The following SNX30 variants were observed in gnomAD, a reference collection of about 807,000 sequenced individuals.
The protein encoded by SNX30 is sorting nexin family member 30.
A neutral mutation model predicts 46.4 loss-of-function variants in SNX30; 24 were observed. The observed-to-expected ratio is 0.52, with a 90% CI of 0.37 to 0.73. The LOEUF (loss-of-function observed/expected upper bound fraction) is 0.73. SNX30 is among the 30% of genes least tolerant of loss of function. The pLI is 0.00. For missense variants in SNX30, 533 were observed against 555.7 expected (o/e 0.96, Z 0.41); for synonymous variants, 189 against 211.5 (o/e 0.89, Z 0.92).
chr9:112,862,919 CT>C (rs1342513185), intron 7 of SNX30, among the ~76,000 whole-genome samples: 1 of 152,048 alleles, frequency 6.6e-6, no homozygotes, highest in Non-Finnish European at 1.5e-5. Flanking sequence ...CTTTCCCCAT[CT>C]TAACAGAAAA....
At chr9:112,756,798 G>A (rs1242234630) in intron 1 of SNX30, among the ~76,000 whole-genome samples, 1 of 152,030 alleles carries the variant, frequency 6.6e-6, no homozygotes, top group Admixed American at 6.6e-5. Context: ...TCTCTCCCAC[G>A]GCCGCACCCT....
chr9:112,865,525 G>A (rs1315256319), intron 8 of SNX30, among the ~76,000 whole-genome samples: 1 of 151,066 alleles, frequency 6.6e-6, no homozygotes, highest in African/African-American at 2.4e-5. Flanking sequence ...GGCTGTGGCA[G>A]GAGGATGGCT....
chr9:112,838,455 T>A (rs1487823166), intron 5 of SNX30, 43 bp from the exon 6 acceptor site: 2 of 1,552,524 alleles, frequency 1.3e-6, no homozygotes. Flanking sequence ...TAGCAGCAAC[T>A]GCTACCCAGC....
rs139781990 is a variant in SNX30 at position 112,822,536 on chromosome 9, G to GTTTTTTTTTTTTTTTTTTTTT, written c.459+4725_459+4726insTTTTTTTTTTTTTTTTTTTTT. Among the ~76,000 whole-genome samples, 2 of 123,724 alleles carry GTTTTTTTTTTTTTTTTTTTTT rather than the reference G, an allele frequency of 1.6e-5. 1 individual carries two copies. 81.2% of individuals were successfully genotyped at this position (123,724 alleles called of 152,430 possible). A position where few individuals can be genotyped will look rare whatever the true frequency, so the allele number is the denominator to read the frequency against. On this transcript the variant is annotated intron_variant, in intron 3 of 8. Coordinates refer to ENST00000374232, the MANE Select transcript of SNX30 (RefSeq NM_001012994.2). ...TTTTCTTTTGTCCCTTTGCTGTTTT[G>GTTTTTTTTTTTTTTTTTTTTT]TTTTGTTTTTTTTTTTTGTAAGAAC...
At chr9:112,862,478 C>T (rs1034022571) in intron 7 of SNX30, among the ~76,000 whole-genome samples, 6 of 152,090 alleles carry the variant, frequency 3.9e-5, no homozygotes, top group Non-Finnish European at 7.3e-5. Context: ...GAGGCTGATT[C>T]CTGGAGTGAC....
chr9:112,846,785 A>T (rs565333143), intron 6 of SNX30, among the ~76,000 whole-genome samples: 4 of 151,978 alleles, frequency 2.6e-5, no homozygotes, highest in Admixed American at 6.6e-5. Context: ...CCCCTCTTCC[A>T]CAAAGCTTTG....
At chr9:112,755,574 A>G (rs537091069) in intron 1 of SNX30, among the ~76,000 whole-genome samples, 10 of 152,078 alleles carry the variant, frequency 6.6e-5, no homozygotes, top group African/African-American at 2.4e-4. Flanking sequence ...AAAGGATCAC[A>G]TAGGCTGTTC....
chr9:112,768,706 G>C (rs34022327), intron 1 of SNX30, among the ~76,000 whole-genome samples: 2 of 130,096 alleles, frequency 1.5e-5, no homozygotes, highest in Non-Finnish European at 3.1e-5. Context: ...GCTTAGGCTA[G>C]AGTGCAATGG....
rs567913929 is a variant in SNX30 at position 112,838,655 on chromosome 9, A to G, written c.972A>G (p.Leu324=). The change falls in exon 6 of 9, where the codon CTA becomes CTG. Residue 324 remains leucine, a synonymous_variant. Coordinates refer to ENST00000374232, the MANE Select transcript of SNX30 (RefSeq NM_001012994.2). ...CAGATGACATGACAGAAGACTTCCT[A>G]CCTGTGCTCAGGGAATATATTTTAT... is the stretch of plus-strand genomic sequence containing the variant. The part of the protein sequence containing the change: ...ELTDDMTEDF[L]PVLREYILYS... The G allele has an allele frequency of 1.5e-5, 25 of 1,614,058 alleles. No individual in the cohort carries two copies. The South Asian group carries it at 2.5e-4, about 16-fold the overall frequency.
Position 112,873,938 on chromosome 9 carries a change from T to TGG in SNX30, c.*5096_*5097dup, listed in dbSNP as rs1841483566. 1 of 152,206 alleles carries TGG rather than the reference T, an allele frequency of 6.6e-6. No individual in the cohort carries two copies. Among genetic ancestry groups the TGG allele is most frequent in the Non-Finnish European group, 1.5e-5 (1 of 68,040 alleles). The allele number at this position is 152,206 out of a possible 1,614,324, so 9.4% of individuals were successfully genotyped here. Reference sequence around the variant, plus strand: ...GCAGAGCCTTTAGTGTTAACACCAGTGGCGAGGAGCATTGCATATTCTCTG... The same window carrying TGG: ...GCAGAGCCTTTAGTGTTAACACCAGTGGGGCGAGGAGCATTGCATATTCTCTG... On this transcript the variant is annotated 3_prime_UTR_variant, in exon 9 of 9. Coordinates refer to ENST00000374232, the MANE Select transcript of SNX30 (RefSeq NM_001012994.2).
chr9:112,769,140 A>G (rs1391745157), intron 1 of SNX30, among the ~76,000 whole-genome samples: 2 of 152,220 alleles, frequency 1.3e-5, no homozygotes, highest in African/African-American at 2.4e-5. Context: ...TATCAAAATT[A>G]CAAATACGTA....
intron 2 of SNX30, among the ~76,000 whole-genome samples, chr9:112,809,563 G>A (rs1435719793): frequency 2.1e-5 from 3 of 145,948 alleles, no homozygotes; most frequent in Non-Finnish European, 4.5e-5. Context: ...CCAGTGGTGT[G>A]TAAAAAAAAA....
chr9:112,814,150 C>A (rs958919702), intron 2 of SNX30, among the ~76,000 whole-genome samples: 16 of 152,296 alleles, frequency 1.1e-4, no homozygotes, highest in African/African-American at 3.8e-4. Context: ...TGGAAAGATT[C>A]TGTATCAGAC....
chr9:112,755,205 A>G (rs1839329307), intron 1 of SNX30, among the ~76,000 whole-genome samples: 1 of 152,218 alleles, frequency 6.6e-6, no homozygotes, highest in Non-Finnish European at 1.5e-5. Context: ...CGCGAGGAAG[A>G]GGATTTGGCA....
chr9:112,838,556 G>A lies in SNX30; in HGVS notation c.873G>A (p.Glu291=), dbSNP rs2131460274. ...TGTACTCCACATGGAGCGCCTTGGAGGGTGAGCTGGCTGAACCCCTGGAGG... is the reference window on the plus strand; with the variant it reads ...TGTACTCCACATGGAGCGCCTTGGAAGGTGAGCTGGCTGAACCCCTGGAGG... ...GPVYSTWSAL[E]GELAEPLEGV... is the part of the protein sequence containing the mutation. Residue 291 remains glutamate, a synonymous_variant, in exon 6 of 9, where the codon GAG becomes GAA. Transcript: ENST00000374232. The A allele has an allele frequency of 6.2e-7, 1 of 1,614,186 alleles. No homozygotes were observed. The highest frequency in any genetic ancestry group is 8.5e-7 in the Non-Finnish European group (1 of 1,180,028).
chr9:112,868,644 T>C, intron 8 of SNX30, 140 bp from the exon 9 acceptor site: 1 of 805,500 alleles, frequency 1.2e-6, no homozygotes. Context: ...TTGTAATAGT[T>C]ATGGATGACA....
At chr9:112,751,496 C>T (rs780548451) in intron 1 of SNX30, among the ~76,000 whole-genome samples, 2 of 152,230 alleles carry the variant, frequency 1.3e-5, no homozygotes, top group Non-Finnish European at 2.9e-5. Context: ...CAGGTGCATC[C>T]CTGCAGGCTG....
chr9:112,775,877 AG>A (rs1839739981), intron 1 of SNX30, among the ~76,000 whole-genome samples: 2 of 149,700 alleles, frequency 1.3e-5, no homozygotes. Flanking sequence ...GTTCCATATT[AG>A]CACATAGAGA....
chr9:112,830,916 T>C, intron 4 of SNX30, 33 bp downstream of exon 4: 1 of 1,573,996 alleles, frequency 6.4e-7, no homozygotes, highest in Middle Eastern at 1.8e-4. Context: ...TCTTCGTCCA[T>C]ATTACCATTC....
Sources: allele counts gnomAD v4.1 joint callset (sites outside exome capture counted in the v4.1 genomes callset), GRCh38; gene constraint gnomAD v4.1.1; transcripts MANE v1.5; gene names NCBI Gene and HGNC (gene_info 2026-07-23, HGNC 2026-07-21).